ENPP1: variants seen among roughly 807,000 people sequenced by gnomAD.
The protein encoded by ENPP1 is ectonucleotide pyrophosphatase/phosphodiesterase 1.
A neutral mutation model predicts 122.8 loss-of-function variants in ENPP1; 73 were observed. The observed-to-expected ratio is 0.59, with a 90% CI of 0.49 to 0.72. The LOEUF (loss-of-function observed/expected upper bound fraction) is 0.72. Among genes scored for constraint, ENPP1 ranks in the 30% least tolerant of loss-of-function variants. The pLI, the probability that ENPP1 is intolerant of heterozygous loss-of-function variation, is 0.00. For missense variants in ENPP1, 978 were observed against 1,128.1 expected, an observed-to-expected ratio of 0.87 and a Z score of 1.91; for synonymous variants, 367 against 391.6, an observed-to-expected ratio of 0.94 and a Z score of 0.74.
At chr6:131,888,113 T>C (rs1585846764) in intron 24 of ENPP1, among the ~76,000 whole-genome samples, 1 of 152,208 alleles carries the variant, frequency 6.6e-6, no homozygotes, top group Non-Finnish European at 1.5e-5. Flanking sequence ...CTGCTGGCCT[T>C]AGCCTCCCAA....
chr6:131,822,051 A>G (rs1302494306), intron 1 of ENPP1, among the ~76,000 whole-genome samples: 2 of 152,224 alleles, frequency 1.3e-5, no homozygotes, highest in Admixed American at 6.5e-5. Context: ...TAGGAGCATT[A>G]TGAGTAGACT....
intron 6 of ENPP1, among the ~76,000 whole-genome samples, chr6:131,856,123 GT>G (rs1781942770): frequency 6.6e-6 from 1 of 152,098 alleles, no homozygotes; most frequent in African/African-American, 2.4e-5. Flanking sequence ...GAAGAAGATA[GT>G]TTTGTTTTGT....
intron 6 of ENPP1, among the ~76,000 whole-genome samples, chr6:131,857,091 C>T (rs1402959621): frequency 2.0e-5 from 3 of 152,008 alleles, no homozygotes; most frequent in Non-Finnish European, 4.4e-5. Context: ...AAATCAAAAC[C>T]ACTATGAGAT....
intron 4 of ENPP1, 69 bp downstream of exon 4, chr6:131,851,336 G>T (rs1781879021): frequency 1.9e-6 from 3 of 1,603,282 alleles, no homozygotes; most frequent in Non-Finnish European, 2.6e-6. Flanking sequence ...TTACATAGGT[G>T]TTATCTTTTA....
intron 16 of ENPP1, among the ~76,000 whole-genome samples, chr6:131,874,841 TAC>T (rs71710516): frequency 0.31 from 46,622 of 149,046 alleles, 11,541 homozygotes; most frequent in African/African-American, 0.71. Context: ...TATATATATA[TAC>T]ACACACACAC....
At chr6:131,830,793 G>A (rs78013446) in intron 1 of ENPP1, among the ~76,000 whole-genome samples, 4 of 152,024 alleles carry the variant, frequency 2.6e-5, no homozygotes, top group Non-Finnish European at 5.9e-5. Flanking sequence ...GGGTTTGAGT[G>A]TGTAAATGCA....
chr6:131,884,015 A>G (rs1782345765), intron 22 of ENPP1, among the ~76,000 whole-genome samples: 2 of 152,232 alleles, frequency 1.3e-5, no homozygotes, highest in Non-Finnish European at 1.5e-5. Context: ...TGCGCTTCCT[A>G]AAGTTATCCA....
chr6:131,853,736 A>G (rs184703185), intron 5 of ENPP1, among the ~76,000 whole-genome samples: 16 of 152,306 alleles, frequency 1.1e-4, no homozygotes, highest in Admixed American at 1.0e-3. Context: ...GTCAAGTTTT[A>G]AATTTACTGA....
intron 1 of ENPP1, among the ~76,000 whole-genome samples, chr6:131,832,375 T>C (rs536816574): frequency 1.2e-3 from 185 of 152,268 alleles, no homozygotes; most frequent in Non-Finnish European, 2.2e-3. Flanking sequence ...TTTTCAGACA[T>C]CTCCCTTTCT....
At chr6:131,834,435 T>A (rs1465752176) in intron 1 of ENPP1, among the ~76,000 whole-genome samples, 1 of 152,142 alleles carries the variant, frequency 6.6e-6, no homozygotes, top group Non-Finnish European at 1.5e-5. Flanking sequence ...GCTCCTGGGC[T>A]GGTGTTACAG....
chr6:131,863,364 C>A (rs773755363), intron 9 of ENPP1, among the ~76,000 whole-genome samples: 2 of 152,062 alleles, frequency 1.3e-5, no homozygotes, highest in South Asian at 2.1e-4. Context: ...AATGGAAGAA[C>A]CTCTTTGGCC....
Position 131,861,660 on chromosome 6 carries a change from G to A in ENPP1, c.981G>A (p.Val327=). 1 of 1,613,510 alleles carries A rather than the reference G, an allele frequency of 6.2e-7. No individual in the cohort carries two copies. The highest frequency in any genetic ancestry group is 8.5e-7 in the Non-Finnish European group (1 of 1,179,502). ...SGTFFWPGSD[V]EINGIFPDIY... ...CATTTTTCTGGCCAGGATCAGATGTGGAAATTAACGGAATTTTCCCAGACA... is the reference window on the plus strand; with the variant it reads ...CATTTTTCTGGCCAGGATCAGATGTAGAAATTAACGGAATTTTCCCAGACA... Residue 327 remains valine (V), a synonymous_variant, in exon 9 of 25, where the codon GTG becomes GTA. Transcript: ENST00000647893.
intron 1 of ENPP1, chr6:131,820,139 T>C (rs1781465799): frequency 5.9e-6 from 2 of 339,332 alleles, no homozygotes; most frequent in Admixed American, 7.8e-5. Flanking sequence ...GTTTAAGAGA[T>C]TACTACTTTT....
chr6:131,842,169 C>T (rs1781748185), intron 1 of ENPP1, among the ~76,000 whole-genome samples: 1 of 152,158 alleles, frequency 6.6e-6, no homozygotes, highest in African/African-American at 2.4e-5. Flanking sequence ...TAATCGTAAT[C>T]TGTCTTGTGA....
At chr6:131,811,357 T>C (rs1342266873) in intron 1 of ENPP1, among the ~76,000 whole-genome samples, 1 of 142,636 alleles carries the variant, frequency 7.0e-6, no homozygotes, top group Non-Finnish European at 1.5e-5. Flanking sequence ...TAAAAAAACA[T>C]ATATCTATAT....
intron 1 of ENPP1, among the ~76,000 whole-genome samples, chr6:131,830,817 TA>T (rs573487201): frequency 2.6e-5 from 4 of 151,248 alleles, no homozygotes; most frequent in African/African-American, 7.3e-5. Flanking sequence ...AAAACAATAA[TA>T]AAAAAAATAG....
At position 131,869,426 on chromosome 6, in the gene ENPP1, A is replaced by G. The variant is rs1322520624; in HGVS notation, c.1342A>G (p.Lys448Glu). 9.3e-6 allele frequency: 15 copies of G among 1,612,826 alleles called. No homozygotes were observed. The highest frequency in any genetic ancestry group is 1.2e-5 in the Non-Finnish European group (14 of 1,178,994). The change falls in exon 13 of 25, where the codon AAA (lysine) becomes GAA (glutamate). Residue 448 changes from lysine (K) to glutamate (E), a missense_variant. Lys to Glu is a moderately conservative substitution (Grantham distance 56). Coordinates refer to ENST00000647893, the MANE Select transcript of ENPP1 (RefSeq NM_006208.3). ...ATATTTGGGGGATGTTAAAAATATT[A>G]AAGTTATCTATGGACCTGCAGCTCG... ...NKYLGDVKNI[K>E]VIYGPAARLR... is the part of the protein sequence containing the mutation.
chr6:131,877,097 C>T lies in ENPP1; in HGVS notation c.1829C>T (p.Pro610Leu), dbSNP rs1782239219. ...YTPKHPKEVHPLVQCPFTRNP... is the reference protein window; with the variant it reads ...YTPKHPKEVHLLVQCPFTRNP... ...CCAAAGCATCCCAAAGAAGTGCACCCCCTGGTACAGTGCCCCTTCACAAGA... is the reference window on the plus strand; with the variant it reads ...CCAAAGCATCCCAAAGAAGTGCACCTCCTGGTACAGTGCCCCTTCACAAGA... The change falls in exon 18 of 25, where the codon CCC (proline) becomes CTC (leucine). Residue 610 changes from proline to leucine, a missense_variant. This residue lies in a region of ENPP1 where 644 missense variants were observed against 781.5 expected (regional missense o/e 0.82). Transcript: ENST00000647893. 1.9e-6 allele frequency: 3 copies of T among 1,614,040 alleles called. No homozygotes were observed. Among genetic ancestry groups the T allele is most frequent in the East Asian group, 4.5e-5 (2 of 44,866 alleles).
intron 1 of ENPP1, among the ~76,000 whole-genome samples, chr6:131,818,927 A>G (rs1281474152): frequency 2.0e-5 from 3 of 152,222 alleles, no homozygotes; most frequent in African/African-American, 7.2e-5. Flanking sequence ...GAGTGATGTT[A>G]GCTTGTCCCT....
Sources: gnomAD v4.1 joint callset for allele counts (sites outside exome capture counted in the v4.1 genomes callset) on GRCh38, gnomAD v4.1.1 for gene constraint, gnomAD v4.1.1 regional missense constraint, MANE v1.5 for transcripts, NCBI Gene and HGNC (gene_info 2026-07-23, HGNC 2026-07-21) for gene names.